GULP1: variants seen among roughly 807,000 people sequenced by gnomAD.
GULP1 encodes the protein PTB domain-containing engulfment adapter protein 1.
Under a neutral mutation model 40.9 loss-of-function variants are expected in GULP1, and 19 were observed. The ratio of observed to expected loss-of-function variants is 0.46; its 90% confidence interval spans 0.32 to 0.68. The LOEUF (loss-of-function observed/expected upper bound fraction) is 0.68, where lower values mean the gene tolerates loss of function less well. Ranked by LOEUF, GULP1 falls within the 30% of genes least tolerant of loss-of-function variation. GULP1 has a pLI of 0.03. For missense variants in GULP1, 312 were observed against 362.2 expected, an observed-to-expected ratio of 0.86 and a Z score of 1.12; for synonymous variants, 119 against 117.6, an observed-to-expected ratio of 1.01 and a Z score of -0.08.
At chr2:188,549,623 A>C (rs980150128) in intron 7 of GULP1, among the ~76,000 whole-genome samples, 4 of 151,820 alleles carry the variant, frequency 2.6e-5, no homozygotes, top group Non-Finnish European at 5.9e-5. Context: ...CCTATGAAAT[A>C]CTTGGACATT....
intron 2 of GULP1, among the ~76,000 whole-genome samples, chr2:188,476,822 C>G (rs1410119940): frequency 2.0e-5 from 3 of 152,074 alleles, no homozygotes; most frequent in African/African-American, 7.2e-5. Context: ...AATATTTAAT[C>G]ATAACTTTCT....
intron 2 of GULP1, among the ~76,000 whole-genome samples, chr2:188,398,818 TAAA>T (rs1013839029): frequency 3.9e-5 from 6 of 152,126 alleles, no homozygotes; most frequent in Admixed American, 1.3e-4. Flanking sequence ...TGGTGAAAAA[TAAA>T]AAATATTTTC....
intron 3 of GULP1, among the ~76,000 whole-genome samples, chr2:188,481,183 A>G (rs2061419996): frequency 6.6e-6 from 1 of 151,990 alleles, no homozygotes; most frequent in Non-Finnish European, 1.5e-5. Flanking sequence ...AATTCAAGGA[A>G]GAGGAACTCT....
rs144018647 is a variant in GULP1 at position 188,472,993 on chromosome 2, G to T, written c.-44-4666G>T. On this transcript the variant is annotated intron_variant, in intron 2 of 11. Transcript: ENST00000409830. ...GTGATCTAAGTTGTATCTGCTTTGG[G>T]GGGGACCCCAAGCCCAGTAATGCTG... Among the ~76,000 whole-genome samples the T allele has an allele frequency of 1.6e-4, 24 of 152,276 alleles. No homozygotes were observed. The East Asian group carries it at 4.6e-3, about 29-fold the overall frequency.
At chr2:188,410,519 A>G (rs1294595982) in intron 2 of GULP1, among the ~76,000 whole-genome samples, 1 of 152,238 alleles carries the variant, frequency 6.6e-6, no homozygotes, top group Non-Finnish European at 1.5e-5. Context: ...AACCCAATTA[A>G]AGAATGAGCA....
At chr2:188,392,963 A>G (rs1024448275) in intron 2 of GULP1, among the ~76,000 whole-genome samples, 1 of 151,958 alleles carries the variant, frequency 6.6e-6, no homozygotes, top group Admixed American at 6.6e-5. Context: ...TATGATTGTG[A>G]TTATTTTAAA....
intron 1 of GULP1, among the ~76,000 whole-genome samples, chr2:188,376,649 T>C (rs547101005): frequency 6.6e-6 from 1 of 152,304 alleles, no homozygotes; most frequent in East Asian, 1.9e-4. Flanking sequence ...TATACTTCAC[T>C]TGCAGTTAAA....
chr2:188,591,873 T>A, intron 11 of GULP1: 1 of 151,980 alleles, frequency 6.6e-6, no homozygotes, highest in East Asian at 1.9e-4. Flanking sequence ...TGAATAATAC[T>A]TTAATTATTT....
intron 4 of GULP1, among the ~76,000 whole-genome samples, chr2:188,510,110 A>G (rs1213318869): frequency 3.9e-5 from 6 of 152,128 alleles, no homozygotes; most frequent in African/African-American, 2.4e-5. Context: ...AATAAGAGAT[A>G]AATTTATCTC....
At chr2:188,335,986 T>C (rs570664804) in intron 1 of GULP1, among the ~76,000 whole-genome samples, 1 of 152,330 alleles carries the variant, frequency 6.6e-6, no homozygotes, top group Non-Finnish European at 1.5e-5. Context: ...TGGATATCAT[T>C]GTTCATAAAT....
chr2:188,346,901 G>A (rs1367592791), intron 1 of GULP1, among the ~76,000 whole-genome samples: 2 of 150,946 alleles, frequency 1.3e-5, no homozygotes, highest in East Asian at 4.0e-4. Context: ...AACCCGGGAG[G>A]CAGAGCTTGC....
At chr2:188,580,355 C>G (rs1485000030) in intron 9 of GULP1, among the ~76,000 whole-genome samples, 1 of 151,958 alleles carries the variant, frequency 6.6e-6, no homozygotes, top group African/African-American at 2.4e-5. Context: ...AGATCGAGAC[C>G]ATCCCGGCTA....
chr2:188,457,965 T>C (rs1174663973), intron 2 of GULP1, among the ~76,000 whole-genome samples: 1 of 152,218 alleles, frequency 6.6e-6, no homozygotes, highest in Non-Finnish European at 1.5e-5. Flanking sequence ...TTGAGATGGC[T>C]CTTTTCTGCC....
chr2:188,407,982 A>G (rs1334031775), intron 2 of GULP1, among the ~76,000 whole-genome samples: 1 of 152,182 alleles, frequency 6.6e-6, no homozygotes, highest in Non-Finnish European at 1.5e-5. Context: ...ACCAAAAGAG[A>G]GCAGAGGTAG....
chr2:188,366,509 G>T (rs542072273), intron 1 of GULP1, among the ~76,000 whole-genome samples: 1 of 150,028 alleles, frequency 6.7e-6, no homozygotes, highest in South Asian at 2.1e-4. Flanking sequence ...GTCACCTTTT[G>T]ATTCATTTGC....
intron 1 of GULP1, among the ~76,000 whole-genome samples, chr2:188,353,765 A>C (rs1000016147): frequency 2.6e-5 from 4 of 151,656 alleles, no homozygotes; most frequent in African/African-American, 9.7e-5. Context: ...ACCCAAGCTG[A>C]AGAGGTGCCC....
intron 1 of GULP1, among the ~76,000 whole-genome samples, chr2:188,325,751 A>C (rs146115050): frequency 6.6e-6 from 1 of 152,104 alleles, no homozygotes; most frequent in African/African-American, 2.4e-5. Context: ...CTTGACTAGG[A>C]TAGAATCACT....
At chr2:188,378,062 A>G (rs973104887) in intron 1 of GULP1, among the ~76,000 whole-genome samples, 35 of 152,176 alleles carry the variant, frequency 2.3e-4, no homozygotes, top group African/African-American at 8.4e-4. Context: ...TACATAGAAT[A>G]TATCATTCAA....
intron 1 of GULP1, among the ~76,000 whole-genome samples, chr2:188,362,163 A>AT (rs1559151018): frequency 6.6e-6 from 1 of 152,110 alleles, no homozygotes; most frequent in East Asian, 1.9e-4. Flanking sequence ...CTATCTCATC[A>AT]TTTTTCTGAG....
Sources: allele counts gnomAD v4.1 joint callset (sites outside exome capture counted in the v4.1 genomes callset), GRCh38; gene constraint gnomAD v4.1.1; transcripts MANE v1.5; gene names NCBI Gene and HGNC (gene_info 2026-07-23, HGNC 2026-07-21).